The following RBM42 variants were observed in gnomAD, a reference collection of about 807,000 sequenced individuals.
The protein encoded by RBM42 is RNA binding motif protein 42.
A neutral mutation model predicts 41.4 loss-of-function variants in RBM42; 21 were observed. The observed-to-expected ratio is 0.51, with a 90% CI of 0.36 to 0.73. The LOEUF (loss-of-function observed/expected upper bound fraction) is 0.73. Ranked by LOEUF, RBM42 falls within the 30% of genes least tolerant of loss-of-function variation. The probability of loss-of-function intolerance (pLI) is 0.00; values close to 1 mark genes in which losing one functional copy is unlikely to be tolerated. For synonymous variants in RBM42, 272 were observed against 271.2 expected, an observed-to-expected ratio of 1.00 and a Z score of -0.03; for missense variants, 539 against 680.4, an observed-to-expected ratio of 0.79 and a Z score of 2.31.
At chr19:35,633,288 G>C (rs760441239) in intron 6 of RBM42, 36 bp downstream of exon 6, 6 of 1,488,140 alleles carry the variant, frequency 4.0e-6, no homozygotes, top group African/African-American at 1.4e-5. Context: ...TCAGATGTGC[G>C]GTGGACGGGG....
rs776478765 is a variant in RBM42 at position 35,629,512 on chromosome 19, T to C, written c.129-8T>C. 1.9e-6 allele frequency: 3 copies of C among 1,614,092 alleles called. No individual in the cohort carries two copies. The highest frequency in any genetic ancestry group is 1.1e-5 in the South Asian group (1 of 91,072). On this transcript the variant is annotated splice_polypyrimidine_tract_variant and splice_region_variant and intron_variant, in intron 1 of 9. Transcript: ENST00000262633. ...TCCTGAGCGCTGATGTCTGTTCTAC[T>C]CCTCCAGGTTTGAGCAGGAAGTTCT...
rs1568334357 is a variant in RBM42 at position 35,632,973 on chromosome 19, C to T, written c.480C>T (p.Ala160=). 1.2e-6 allele frequency: 2 copies of T among 1,609,672 alleles called. No individual in the cohort carries two copies. The highest frequency in any genetic ancestry group is 1.7e-6 in the Non-Finnish European group (2 of 1,176,356). ...APQRAPILRP[A]FVPHVLQRAD... is the part of the protein sequence containing the mutation. ...AGAGGGCCCCTATCCTGCGTCCAGC[C>T]TTCGTCCCCCACGTGCTACAGAGAG... The change falls in exon 5 of 10, where the codon GCC becomes GCT. Residue 160 remains alanine (A), a synonymous_variant. Transcript: ENST00000262633.
chr19:35,634,745 GC>G (rs1183078709), intron 8 of RBM42, among the ~76,000 whole-genome samples: 2 of 147,606 alleles, frequency 1.4e-5, no homozygotes, highest in African/African-American at 5.0e-5. Context: ...TGCAGCCTCC[GC>G]CCCCCAGGTT....
Position 35,632,948 on chromosome 19 carries a change from A to C in RBM42, c.455A>C (p.Gln152Pro), listed in dbSNP as rs1967430134. The change falls in exon 5 of 10, where the codon CAG (glutamine) becomes CCG (proline). Residue 152 changes from glutamine (Q) to proline (P), a missense_variant. Gln to Pro is a moderately conservative substitution (Grantham distance 76). Transcript: ENST00000262633. ...MFLRRAAVAP[Q>P]RAPILRPAFV... The stretch of plus-strand genomic sequence containing the variant: ...CTCTCTCCCACAGCTGTGGCCCCCC[A>C]GAGGGCCCCTATCCTGCGTCCAGCC... 5 of 1,552,910 alleles carry C rather than the reference A, an allele frequency of 3.2e-6. No homozygotes were observed. The African/African-American group carries it at 4.3e-5, about 13-fold the overall frequency.
chr19:35,631,608 G>A lies in RBM42; in HGVS notation c.442+203G>A, dbSNP rs777253659. The stretch of plus-strand genomic sequence containing the variant: ...CTGATCATTGCAAACCAACCCTCCT[G>A]CTGTCAGTCCTAATTCCCAGTTACC... On this transcript the variant is annotated intron_variant, in intron 4 of 9. Coordinates refer to ENST00000262633, the MANE Select transcript of RBM42 (RefSeq NM_024321.5). The A allele has an allele frequency of 4.0e-5, 24 of 597,302 alleles. No homozygotes were observed. The East Asian group carries it at 6.7e-4, about 17-fold the overall frequency. The allele number at this position is 597,302 out of a possible 1,614,324, so 37.0% of individuals were successfully genotyped here.
chr19:35,635,456 T>C (rs1486436661), intron 8 of RBM42, among the ~76,000 whole-genome samples: 1 of 152,130 alleles, frequency 6.6e-6, no homozygotes, highest in Non-Finnish European at 1.5e-5. Flanking sequence ...GTTAGAACTA[T>C]TAATGTTTTT....
Position 35,636,104 on chromosome 19 carries a change from G to A in RBM42, c.1136-1054G>A, listed in dbSNP as rs987020024. Among the ~76,000 whole-genome samples, 9 of 151,306 alleles carry A rather than the reference G, an allele frequency of 5.9e-5. No individual in the cohort carries two copies. In the East Asian group the frequency reaches 1.2e-3, roughly 20 times the overall value. On this transcript the variant is annotated intron_variant, in intron 8 of 9. Transcript: ENST00000262633. ...CTGGCCCAGAGAAGACCCTAGCTCT[G>A]TGACCTTGGGCAAGTCACTTAGCCT... is the stretch of plus-strand genomic sequence containing the variant.
In RBM42 at chr19:35,634,017, G is replaced by T; in HGVS notation, c.1015G>T (p.Glu339Ter). ...PEPPPGLMAL[E>*]VPEPLGEDKK... ...GCCACCCCCAGGCCTCATGGCTCTT[G>T]AGGTAAGCAGGGAGCCTAGCGGTGA... is the stretch of plus-strand genomic sequence containing the variant. The change falls in exon 7 of 10, where the codon GAG (glutamate) becomes TAG (stop). Residue 339 changes from glutamate to a stop codon, truncating the protein, a stop_gained and splice_region_variant. Coordinates refer to ENST00000262633, the MANE Select transcript of RBM42 (RefSeq NM_024321.5). LOFTEE classifies it high-confidence loss of function. 6.7e-7 allele frequency: 1 copy of T among 1,500,996 alleles called. No homozygotes were observed. 93.0% of individuals were successfully genotyped at this position (1,500,996 alleles called of 1,614,324 possible).
At chr19:35,634,637 C>T (rs1029306393) in intron 8 of RBM42, among the ~76,000 whole-genome samples, 2 of 151,286 alleles carry the variant, frequency 1.3e-5, no homozygotes, top group African/African-American at 4.9e-5. Flanking sequence ...CTTTTTTTTT[C>T]CCAACTCTTA....
chr19:35,635,822 G>T (rs531815560), intron 8 of RBM42, among the ~76,000 whole-genome samples: 1 of 151,902 alleles, frequency 6.6e-6, no homozygotes, highest in African/African-American at 2.4e-5. Flanking sequence ...GCCCAGCCTC[G>T]ATTATATCTT....
At chr19:35,634,679 G>A (rs1250495129) in intron 8 of RBM42, among the ~76,000 whole-genome samples, 3 of 139,086 alleles carry the variant, frequency 2.2e-5, no homozygotes, top group East Asian at 4.2e-4. Context: ...TTTTTTATGA[G>A]ACAGAGTACC....
At position 35,629,686 on chromosome 19, in the gene RBM42, T is replaced by C. The variant is rs767844889; in HGVS notation, c.282+13T>C. The C allele has an allele frequency of 2.5e-6, 4 of 1,613,576 alleles. No individual in the cohort carries two copies. The East Asian group carries it at 8.9e-5, about 36-fold the overall frequency. ...CACATACCAGCAGGTACGGCTGAGC[T>C]AAGGCATGTAAGTCAGGGAACACAA... is the stretch of plus-strand genomic sequence containing the variant. On this transcript the variant is annotated intron_variant, in intron 2 of 9. Transcript: ENST00000262633.
chr19:35,634,544 G>T (rs115792826), intron 8 of RBM42, among the ~76,000 whole-genome samples, 171 bp downstream of exon 8: 2,677 of 152,238 alleles, frequency 0.018, 97 homozygotes, highest in African/African-American at 0.06. Flanking sequence ...ACCTAGCCAT[G>T]GGCCGGAGCT....
intron 8 of RBM42, among the ~76,000 whole-genome samples, chr19:35,636,855 A>G (rs1341398872): frequency 6.6e-6 from 1 of 152,048 alleles, no homozygotes; most frequent in Admixed American, 6.6e-5. Context: ...GTTAAAAGTA[A>G]GGACTGGAGC....
chr19:35,635,523 C>CTTT, intron 8 of RBM42, among the ~76,000 whole-genome samples: 1 of 140,528 alleles, frequency 7.1e-6, no homozygotes, highest in African/African-American at 2.7e-5. Context: ...TTTTTTTTTT[C>CTTT]TTTTTTTTTT....
Position 35,637,587 on chromosome 19 carries a change from CG to C in RBM42, c.*36del. On this transcript the variant is annotated 3_prime_UTR_variant, in exon 10 of 10. Transcript: ENST00000262633. This position sits in a 1 kb window ranked among gnomAD's most constrained non-coding sequence, Gnocchi z 7.0. ...GGCCAGGCACCCGCTCCCACCTGGC[CG>C]GGCGCTGGCTCCTCCCTCAGTTCTC... 6.5e-7 allele frequency: 1 copy of C among 1,548,624 alleles called. No individual in the cohort carries two copies.
chr19:35,635,787 T>C (rs1336536500), intron 8 of RBM42, among the ~76,000 whole-genome samples: 1 of 152,186 alleles, frequency 6.6e-6, no homozygotes, highest in Non-Finnish European at 1.5e-5. Context: ...TCCAAAGTGC[T>C]GGGATTACAG....
intron 4 of RBM42, among the ~76,000 whole-genome samples, chr19:35,632,221 G>A (rs1049522326): frequency 6.6e-6 from 1 of 152,110 alleles, no homozygotes; most frequent in Non-Finnish European, 1.5e-5. Flanking sequence ...TGATCAAAAT[G>A]CAAATCTGAC....
chr19:35,631,412 C>A lies in RBM42; in HGVS notation c.442+7C>A. The A allele has an allele frequency of 6.2e-7, 1 of 1,613,792 alleles. No homozygotes were observed. Among genetic ancestry groups the A allele is most frequent in the Non-Finnish European group, 8.5e-7 (1 of 1,179,728 alleles). ...ATGTTCCTGCGGCGGGCAGGTGAGT[C>A]TGGGGCCAGGGACCCCCACATTTAA... On this transcript the variant is annotated splice_region_variant and intron_variant, in intron 4 of 9. Transcript: ENST00000262633.
Sources: gnomAD v4.1 joint callset for allele counts (sites outside exome capture counted in the v4.1 genomes callset) on GRCh38, gnomAD v4.1.1 for gene constraint, Gnocchi (gnomAD v3.1) non-coding constraint, MANE v1.5 for transcripts, NCBI Gene and HGNC (gene_info 2026-07-23, HGNC 2026-07-21) for gene names.